MSRA: variants seen among roughly 807,000 people sequenced by gnomAD.
MSRA encodes the protein mitochondrial peptide methionine sulfoxide reductase.
MSRA carries 54 observed loss-of-function variants against 31.3 expected under a neutral mutation model. The observed-to-expected ratio is 1.73, with a 90% CI of 1.39 to 2.17. The LOEUF is 2.17. Ranked by LOEUF, MSRA falls within the 30% of genes most tolerant of loss-of-function variation. The pLI is 0.00. For synonymous variants in MSRA, 169 were observed against 116.5 expected (o/e 1.45, Z -2.90); for missense variants, 507 against 300.9 (o/e 1.69, Z -5.07).
chr8:10,155,378 T>C (rs1356265451), intron 1 of MSRA, among the ~76,000 whole-genome samples: 1 of 152,152 alleles, frequency 6.6e-6, no homozygotes, highest in African/African-American at 2.4e-5. Flanking sequence ...CATGTTAAAA[T>C]ACACCCACGC....
intron 2 of MSRA, among the ~76,000 whole-genome samples, chr8:10,225,839 C>T (rs1432666261): frequency 6.6e-6 from 1 of 152,150 alleles, no homozygotes; most frequent in Non-Finnish European, 1.5e-5. Context: ...TACCGGGTGC[C>T]AAGCCATGCT....
chr8:10,263,786 G>A (rs1585308777), intron 3 of MSRA, among the ~76,000 whole-genome samples: 1 of 152,106 alleles, frequency 6.6e-6, no homozygotes, highest in African/African-American at 2.4e-5. Flanking sequence ...TCTTTAGAGT[G>A]AGATCTTCAC....
intron 5 of MSRA, among the ~76,000 whole-genome samples, chr8:10,396,772 A>G (rs1001440124): frequency 1.3e-5 from 2 of 152,128 alleles, no homozygotes; most frequent in South Asian, 2.1e-4. Context: ...TGGAACCTCA[A>G]GATTGTTAAG....
At chr8:10,191,286 C>A (rs74806783) in intron 1 of MSRA, among the ~76,000 whole-genome samples, 2,689 of 152,262 alleles carry the variant, frequency 0.018, 86 homozygotes, top group African/African-American at 0.061. Flanking sequence ...CCAGACTCAC[C>A]TAACCAACTG....
chr8:10,099,229 G>A (rs10098342), intron 1 of MSRA, among the ~76,000 whole-genome samples: 35,321 of 152,150 alleles, frequency 0.23, 6,891 homozygotes, highest in African/African-American at 0.54. Context: ...CACGTGATCT[G>A]AGGAGATGTA....
intron 1 of MSRA, among the ~76,000 whole-genome samples, chr8:10,151,386 G>T (rs972154271): frequency 2.0e-5 from 3 of 152,136 alleles, no homozygotes; most frequent in Non-Finnish European, 2.9e-5. Context: ...GCTCACGCCT[G>T]TCATCCCAGC....
At chr8:10,206,222 G>C (rs1381762215) in intron 1 of MSRA, among the ~76,000 whole-genome samples, 5 of 152,178 alleles carry the variant, frequency 3.3e-5, no homozygotes, top group Non-Finnish European at 7.4e-5. Context: ...ATGTTTATTT[G>C]AATTCAGTAA....
intron 1 of MSRA, among the ~76,000 whole-genome samples, chr8:10,064,720 A>G (rs1328741801): frequency 6.6e-6 from 1 of 152,158 alleles, no homozygotes; most frequent in Non-Finnish European, 1.5e-5. Context: ...ATTTAAAAAA[A>G]TTAGTTTACC....
chr8:10,144,995 T>TC (rs368774928), intron 1 of MSRA, among the ~76,000 whole-genome samples: 1 of 141,788 alleles, frequency 7.1e-6, no homozygotes, highest in East Asian at 2.2e-4. Context: ...TCCTTTCCCC[T>TC]CCCCCCGCCT....
At chr8:10,093,042 A>C (rs1156815152) in intron 1 of MSRA, among the ~76,000 whole-genome samples, 1 of 152,096 alleles carries the variant, frequency 6.6e-6, no homozygotes, top group African/African-American at 2.4e-5. Flanking sequence ...TATATATTTT[A>C]CATAGTTTTA....
chr8:10,379,910 G>A (rs1479112009), intron 5 of MSRA, among the ~76,000 whole-genome samples: 2 of 152,168 alleles, frequency 1.3e-5, no homozygotes, highest in Non-Finnish European at 2.9e-5. Context: ...CACAAACTCA[G>A]GCCAGATGCC....
At chr8:10,057,033 CA>C (rs1420298520) in intron 1 of MSRA, among the ~76,000 whole-genome samples, 6 of 152,146 alleles carry the variant, frequency 3.9e-5, no homozygotes, top group Non-Finnish European at 7.3e-5. Flanking sequence ...AGGACAATTC[CA>C]CCCTTTTACA....
intron 1 of MSRA, among the ~76,000 whole-genome samples, chr8:10,116,923 G>A (rs994467620): frequency 3.3e-5 from 5 of 152,118 alleles, no homozygotes; most frequent in Admixed American, 6.5e-5. Flanking sequence ...CCAAGATTGC[G>A]CCATTGCACT....
chr8:10,080,305 T>G (rs1218060176), intron 1 of MSRA, among the ~76,000 whole-genome samples: 1 of 152,042 alleles, frequency 6.6e-6, no homozygotes, highest in Non-Finnish European at 1.5e-5. Context: ...TTCTTGCAGA[T>G]TTTTTTTAAA....
rs552800476 is a variant in MSRA, at chr8:10,293,679, T to TCC, written c.332-7854_332-7853dup. Among the ~76,000 whole-genome samples, 39 of 152,316 alleles carry TCC rather than the reference T, an allele frequency of 2.6e-4. No individual in the cohort carries two copies. The South Asian group carries it at 6.4e-3, about 25-fold the overall frequency. ...CTCTTCCTCAGCTGTACTGCAGGTC[T>TCC]CCGTAAAGGGTTCCTTTCCTGTTTC... On this transcript the variant is annotated intron_variant, in intron 3 of 5. Transcript: ENST00000317173.
chr8:10,106,941 T>G (rs894898915), intron 1 of MSRA, among the ~76,000 whole-genome samples: 1 of 151,374 alleles, frequency 6.6e-6, no homozygotes, highest in African/African-American at 2.4e-5. Flanking sequence ...CTATCCACCT[T>G]CCCACCCACC....
At chr8:10,175,012 G>A (rs933070665) in intron 1 of MSRA, among the ~76,000 whole-genome samples, 4 of 151,922 alleles carry the variant, frequency 2.6e-5, no homozygotes, top group Non-Finnish European at 4.4e-5. Flanking sequence ...AGCCCCTGAC[G>A]TTCTCTGACT....
intron 5 of MSRA, among the ~76,000 whole-genome samples, chr8:10,350,206 C>T (rs1804039586): frequency 6.6e-6 from 1 of 152,266 alleles, no homozygotes; most frequent in Non-Finnish European, 1.5e-5. Context: ...TCTGATGCTT[C>T]TCACAAAGAC....
chr8:10,196,391 C>G (rs548423157), intron 1 of MSRA, among the ~76,000 whole-genome samples: 3 of 152,084 alleles, frequency 2.0e-5, no homozygotes, highest in Admixed American at 6.5e-5. Flanking sequence ...ATTACATCCA[C>G]AATACCTGGG....
Sources: gnomAD v4.1 joint callset for allele counts (sites outside exome capture counted in the v4.1 genomes callset) on GRCh38, gnomAD v4.1.1 for gene constraint, MANE v1.5 for transcripts, NCBI Gene and HGNC (gene_info 2026-07-23, HGNC 2026-07-21) for gene names.